The following SLC35F4 variants were observed in gnomAD, a reference collection of about 807,000 sequenced individuals.
The protein encoded by SLC35F4 is chromosome 14 open reading frame 36.
Under a neutral mutation model 44.2 loss-of-function variants are expected in SLC35F4, and 24 were observed. The ratio of observed to expected loss-of-function variants is 0.54; its 90% CI spans 0.39 to 0.76. The LOEUF is 0.76. Among genes scored for constraint, SLC35F4 ranks in the 30% least tolerant of loss-of-function variants. The probability of loss-of-function intolerance (pLI) is 0.00; values close to 1 mark genes in which losing one functional copy is unlikely to be tolerated. For missense variants in SLC35F4, 562 were observed against 586.1 expected, an observed-to-expected ratio of 0.96 and a Z score of 0.42; for synonymous variants, 238 against 223.6, an observed-to-expected ratio of 1.06 and a Z score of -0.57.
Position 57,655,295 on chromosome 14 carries a change from TG to T in SLC35F4, c.104-61172del, listed in dbSNP as rs112457441. ...TCACCAAGTGATTGAATGCTCTGTT[TG>T]GGGAGGTGGGAGGCACTGCGCTGAG... On this transcript the variant is annotated intron_variant, in intron 1 of 7. Transcript: ENST00000556826. 2.3e-3 allele frequency among the ~76,000 whole-genome samples: 354 copies of T among 152,232 alleles called. 2 individuals are homozygous for T. The highest frequency in any genetic ancestry group is 0.014 in the Middle Eastern group (4 of 294).
chr14:57,880,214 G>A (rs999803873), intron 1 of SLC35F4, among the ~76,000 whole-genome samples: 2 of 152,144 alleles, frequency 1.3e-5, no homozygotes, highest in Non-Finnish European at 2.9e-5. Context: ...CTATCATGAG[G>A]ATAAAATGAG....
chr14:57,712,351 G>A lies in SLC35F4; in HGVS notation c.104-118227C>T, dbSNP rs139166511. 2.0e-4 allele frequency among the ~76,000 whole-genome samples: 30 copies of A among 152,312 alleles called. No homozygotes were observed. The East Asian group carries it at 5.4e-3, about 27-fold the overall frequency. On this transcript the variant is annotated intron_variant, in intron 1 of 7. Coordinates refer to ENST00000556826, the MANE Select transcript of SLC35F4 (RefSeq NM_001306087.2). ...ATCCTGAAGGTCGTTTCAAATTAGT[G>A]ATTCGTTTCACTTTGCTTCTATCTG...
At chr14:57,594,460 T>A (rs1173796967) in intron 1 of SLC35F4, among the ~76,000 whole-genome samples, 1 of 136,010 alleles carries the variant, frequency 7.4e-6, no homozygotes, top group Non-Finnish European at 1.6e-5. Context: ...ACAATCACAG[T>A]CCTAATGAGC....
At position 57,880,503 on chromosome 14, in the gene SLC35F4, G is replaced by A. The variant is rs1023271150; in HGVS notation, n.282+101410C>T. 8.5e-5 allele frequency among the ~76,000 whole-genome samples: 13 copies of A among 152,258 alleles called. 1 individual carries two copies. Among genetic ancestry groups the A allele is most frequent in the Admixed American group, 8.5e-4 (13 of 15,292 alleles). On this transcript the variant is annotated intron_variant and non_coding_transcript_variant, in intron 1 of 1. Coordinates refer to the SLC35F4 transcript ENST00000556568. ...TACCAGGAATTCTTGATACCAGATT[G>A]AAGTTAATATTTCTCTTGATTTGGA...
intron 1 of SLC35F4, among the ~76,000 whole-genome samples, chr14:57,907,329 G>C (rs1202556807): frequency 6.6e-6 from 1 of 152,076 alleles, no homozygotes; most frequent in Admixed American, 6.6e-5. Context: ...AAATCTGTGT[G>C]GCTCACTTCA....
intron 1 of SLC35F4, among the ~76,000 whole-genome samples, chr14:57,609,459 G>GA (rs1297803752): frequency 2.0e-5 from 3 of 152,018 alleles, no homozygotes; most frequent in East Asian, 3.9e-4. Context: ...CAGAGATAAG[G>GA]AAAAAATGAT....
At chr14:57,833,880 G>A (rs958048423) in intron 1 of SLC35F4, among the ~76,000 whole-genome samples, 2 of 152,220 alleles carry the variant, frequency 1.3e-5, no homozygotes, top group East Asian at 1.9e-4. Flanking sequence ...TTAAATGCAC[G>A]TTAACAAGAA....
chr14:57,729,920 G>A (rs1458622257), intron 1 of SLC35F4, among the ~76,000 whole-genome samples: 2 of 152,184 alleles, frequency 1.3e-5, no homozygotes, highest in Non-Finnish European at 2.9e-5. Flanking sequence ...ACTAGAGCTG[G>A]TCAAAATGTT....
intron 1 of SLC35F4, among the ~76,000 whole-genome samples, chr14:57,821,779 A>T (rs886690228): frequency 3.9e-5 from 6 of 152,138 alleles, no homozygotes; most frequent in African/African-American, 1.4e-4. Flanking sequence ...CAACCAGGTG[A>T]CCTCCATTTC....
Position 57,878,533 on chromosome 14 carries a change from GC to G in SLC35F4, n.282+103379del, listed in dbSNP as rs766582035. Among the ~76,000 whole-genome samples, 7 of 152,190 alleles carry G rather than the reference GC, an allele frequency of 4.6e-5. No homozygotes were observed. The East Asian group carries it at 9.7e-4, about 21-fold the overall frequency. ...GAACTCTTTTGAGATCTCTGAAAAA[GC>G]TATGGGCTTTCTCACCTCTGGATTT... On this transcript the variant is annotated intron_variant and non_coding_transcript_variant, in intron 1 of 1. Transcript: ENST00000556568.
chr14:57,835,534 G>C (rs1398283224), intron 1 of SLC35F4, among the ~76,000 whole-genome samples: 1 of 152,106 alleles, frequency 6.6e-6, no homozygotes, highest in Non-Finnish European at 1.5e-5. Flanking sequence ...CTCATTGTCA[G>C]CAGAACAATA....
At chr14:57,630,598 C>T (rs2072720716) in intron 1 of SLC35F4, 1 of 884,240 alleles carries the variant, frequency 1.1e-6, no homozygotes, top group Non-Finnish European at 1.9e-6. Context: ...AAAGAACCAC[C>T]TAGATCCAAA....
At chr14:57,631,867 A>T (rs1274488387) in intron 1 of SLC35F4, among the ~76,000 whole-genome samples, 1 of 152,090 alleles carries the variant, frequency 6.6e-6, no homozygotes, top group African/African-American at 2.4e-5. Context: ...GCCAAAAATT[A>T]AAAAAAGTCT....
chr14:57,630,233 T>C, intron 1 of SLC35F4: 1 of 558,112 alleles, frequency 1.8e-6, no homozygotes. Flanking sequence ...CATGCTATGA[T>C]GATGATGACA....
chr14:57,652,313 C>T (rs2073811587), intron 1 of SLC35F4, among the ~76,000 whole-genome samples: 1 of 152,168 alleles, frequency 6.6e-6, no homozygotes, highest in South Asian at 2.1e-4. Flanking sequence ...GCTTTCTGAG[C>T]TCTTTCTTGG....
chr14:57,637,637 C>T (rs1379706932), intron 1 of SLC35F4, among the ~76,000 whole-genome samples: 1 of 152,088 alleles, frequency 6.6e-6, no homozygotes, highest in South Asian at 2.1e-4. Context: ...CTAAAAGTTG[C>T]CTCTAAAAGG....
At chr14:57,735,514 G>A (rs2076441110) in intron 1 of SLC35F4, among the ~76,000 whole-genome samples, 1 of 152,156 alleles carries the variant, frequency 6.6e-6, no homozygotes, top group Admixed American at 6.5e-5. Flanking sequence ...CAGCTGGGAT[G>A]CCTCAGTTCT....
intron 1 of SLC35F4, among the ~76,000 whole-genome samples, chr14:57,817,251 T>C (rs1303988416): frequency 6.6e-6 from 1 of 152,174 alleles, no homozygotes; most frequent in Non-Finnish European, 1.5e-5. Context: ...AACAGATCTC[T>C]TATGTCTTAA....
chr14:57,727,352 C>A (rs562394438), intron 1 of SLC35F4, among the ~76,000 whole-genome samples: 24 of 151,800 alleles, frequency 1.6e-4, no homozygotes, highest in Non-Finnish European at 3.4e-4. Flanking sequence ...TTTCAAAAAA[C>A]CAGTTTATGT....
Sources: allele counts gnomAD v4.1 joint callset (sites outside exome capture counted in the v4.1 genomes callset), GRCh38; gene constraint gnomAD v4.1.1; transcripts MANE v1.5; gene names NCBI Gene and HGNC (gene_info 2026-07-23, HGNC 2026-07-21).